The following GALNT13 variants were observed in gnomAD, a reference collection of about 807,000 sequenced individuals.
GALNT13 encodes the protein UDP-GalNAc:polypeptide N-acetylgalactosaminyltransferase 13.
A neutral mutation model predicts 64.2 loss-of-function variants in GALNT13; 28 were observed. The observed-to-expected ratio is 0.44, with a 90% CI of 0.32 to 0.60. GALNT13 has a LOEUF of 0.60. GALNT13 is among the 20% of genes least tolerant of loss of function. The pLI is 0.05. For synonymous variants in GALNT13, 214 were observed against 224.6 expected (o/e 0.95, Z 0.42); for missense variants, 577 against 669.8 (o/e 0.86, Z 1.53).
chr2:153,892,339 T>C (rs1687607060), intron 1 of GALNT13, among the ~76,000 whole-genome samples: 1 of 152,080 alleles, frequency 6.6e-6, no homozygotes, highest in African/African-American at 2.4e-5. Context: ...TTGTATCTTT[T>C]TCTGGAATAT....
the GALNT13 span, among the ~76,000 whole-genome samples, chr2:153,115,568 A>C: frequency 6.6e-6 from 1 of 152,172 alleles, no homozygotes; most frequent in Admixed American, 6.6e-5. Context: ...GGAGTATGGA[A>C]AATATATATA....
chr2:154,372,571 A>G (rs1697760045), intron 9 of GALNT13, among the ~76,000 whole-genome samples: 1 of 152,160 alleles, frequency 6.6e-6, no homozygotes, highest in Non-Finnish European at 1.5e-5. Flanking sequence ...TACTTCTATT[A>G]GGTTATGATA....
the GALNT13 span, among the ~76,000 whole-genome samples, chr2:153,128,002 G>A: frequency 1.3e-5 from 2 of 152,126 alleles, no homozygotes; most frequent in Non-Finnish European, 2.9e-5. Context: ...ACAGATGAGG[G>A]GAGTAAACTT....
chr2:154,143,945 C>G (rs1294116866), intron 4 of GALNT13, among the ~76,000 whole-genome samples: 1 of 147,888 alleles, frequency 6.8e-6, no homozygotes, highest in Non-Finnish European at 1.5e-5. Flanking sequence ...CCTTGGCATA[C>G]TAAGTTTATG....
intron 3 of GALNT13, among the ~76,000 whole-genome samples, chr2:154,016,509 C>T (rs1231506953): frequency 6.6e-6 from 1 of 152,174 alleles, no homozygotes; most frequent in Non-Finnish European, 1.5e-5. Flanking sequence ...CTTCCGCCTC[C>T]CTGGTTCAAG....
chr2:154,215,201 C>T (rs1173804827), intron 4 of GALNT13, among the ~76,000 whole-genome samples: 1 of 152,102 alleles, frequency 6.6e-6, no homozygotes, highest in Non-Finnish European at 1.5e-5. Flanking sequence ...GTTATATGCG[C>T]CAATAATTTC....
the GALNT13 span, among the ~76,000 whole-genome samples, chr2:153,205,537 T>C: frequency 1.3e-5 from 2 of 152,110 alleles, no homozygotes; most frequent in Non-Finnish European, 2.9e-5. Context: ...TCCATCTTCA[T>C]ATTCTTATTA....
At chr2:153,216,647 G>T in the GALNT13 span, among the ~76,000 whole-genome samples, 1 of 151,774 alleles carries the variant, frequency 6.6e-6, no homozygotes, top group East Asian at 1.9e-4. Context: ...TTTTAATATT[G>T]GATTTTTGTT....
chr2:153,427,278 A>T, the GALNT13 span, among the ~76,000 whole-genome samples: 1 of 152,132 alleles, frequency 6.6e-6, no homozygotes, highest in African/African-American at 2.4e-5. Context: ...TGACAGCAAG[A>T]GTAATGAAGA....
chr2:153,251,514 C>G, the GALNT13 span, among the ~76,000 whole-genome samples: 1 of 151,902 alleles, frequency 6.6e-6, no homozygotes, highest in Admixed American at 6.6e-5. Flanking sequence ...TACATGTGCA[C>G]AATGTGCAGG....
the GALNT13 span, among the ~76,000 whole-genome samples, chr2:153,575,221 A>C: frequency 1.3e-5 from 2 of 152,148 alleles, no homozygotes; most frequent in Non-Finnish European, 2.9e-5. Flanking sequence ...AACAAACAAC[A>C]TCTCTTTGTC....
At chr2:153,143,525 T>A in the GALNT13 span, among the ~76,000 whole-genome samples, 1 of 151,982 alleles carries the variant, frequency 6.6e-6, no homozygotes. Flanking sequence ...TAGTTAGACC[T>A]GGGCATGAAA....
At chr2:153,151,023 A>G in the GALNT13 span, among the ~76,000 whole-genome samples, 2 of 152,020 alleles carry the variant, frequency 1.3e-5, no homozygotes, top group Non-Finnish European at 2.9e-5. Context: ...TGGTAGCTTG[A>G]TGGGGATGGC....
chr2:154,412,063 C>T lies in GALNT13; in HGVS notation c.1395+2981C>T, dbSNP rs1011216888. 2.0e-5 allele frequency among the ~76,000 whole-genome samples: 3 copies of T among 151,692 alleles called. No homozygotes were observed. In the South Asian group the frequency reaches 6.2e-4, roughly 31 times the overall value. On this transcript the variant is annotated intron_variant, in intron 11 of 12. Coordinates refer to ENST00000392825, the MANE Select transcript of GALNT13 (RefSeq NM_052917.4). ...TATTTCTATTGATGTTGTTAATTCT[C>T]TTATTTCTGAAGTTAAAAAATGTTC...
At chr2:153,162,832 T>C in the GALNT13 span, among the ~76,000 whole-genome samples, 5 of 152,182 alleles carry the variant, frequency 3.3e-5, no homozygotes, top group Non-Finnish European at 5.9e-5. Context: ...TGTTAGGTAA[T>C]TCAGAAAATG....
the GALNT13 span, among the ~76,000 whole-genome samples, chr2:153,414,565 C>G: frequency 6.7e-6 from 1 of 150,288 alleles, no homozygotes; most frequent in Non-Finnish European, 1.5e-5. Flanking sequence ...AAATGAAATG[C>G]ATACACGTCA....
At chr2:153,843,219 C>T in the GALNT13 span, among the ~76,000 whole-genome samples, 1 of 152,174 alleles carries the variant, frequency 6.6e-6, no homozygotes, top group Non-Finnish European at 1.5e-5. Context: ...AAACATGTTG[C>T]TGACATATGC....
chr2:154,066,079 T>G (rs74769122), intron 3 of GALNT13, among the ~76,000 whole-genome samples: 1 of 152,204 alleles, frequency 6.6e-6, no homozygotes, highest in Admixed American at 6.5e-5. Flanking sequence ...AATAATGTAA[T>G]TGACATGCTG....
At chr2:154,228,362 G>A (rs1483358276) in intron 4 of GALNT13, among the ~76,000 whole-genome samples, 2 of 151,990 alleles carry the variant, frequency 1.3e-5, no homozygotes, top group Non-Finnish European at 2.9e-5. Context: ...TAGTTCCCAC[G>A]TTGCACTGTG....
Sources: allele counts gnomAD v4.1 joint callset (sites outside exome capture counted in the v4.1 genomes callset), GRCh38; gene constraint gnomAD v4.1.1; transcripts MANE v1.5; gene names NCBI Gene and HGNC (gene_info 2026-07-23, HGNC 2026-07-21).